ABLIM3: variants seen among roughly 807,000 people sequenced by gnomAD.
The protein encoded by ABLIM3 is actin-binding LIM protein 3.
A neutral mutation model predicts 109.5 loss-of-function variants in ABLIM3; 61 were observed. That is an observed-to-expected ratio of 0.56 (90% CI 0.45 to 0.69). ABLIM3 has a LOEUF of 0.69. Among genes scored for constraint, ABLIM3 ranks in the 30% least tolerant of loss-of-function variants. ABLIM3 has a pLI of 0.00. For synonymous variants in ABLIM3, 300 were observed against 324.8 expected (o/e 0.92, Z 0.82); for missense variants, 796 against 889.5 (o/e 0.89, Z 1.34).
chr5:149,252,977 C>G (rs1457231346), intron 23 of ABLIM3, 140 bp downstream of exon 23: 4 of 627,324 alleles, frequency 6.4e-6, no homozygotes, highest in Non-Finnish European at 1.1e-5. Flanking sequence ...GGACTTGAAC[C>G]AATTTCCTCA....
At chr5:149,195,030 C>T (rs774216195) in intron 3 of ABLIM3, among the ~76,000 whole-genome samples, 4 of 152,174 alleles carry the variant, frequency 2.6e-5, no homozygotes, top group Non-Finnish European at 2.9e-5. Flanking sequence ...CCTTCTAACT[C>T]TTGGATTTTG....
Position 149,259,718 on chromosome 5 carries a change from A to ATTTTTTTTT in ABLIM3, c.*1315_*1316insTTTTTTTTT. The ATTTTTTTTT allele has an allele frequency of 1.1e-6, 1 of 952,196 alleles. No individual in the cohort carries two copies. The highest frequency in any genetic ancestry group is 1.6e-6 in the Non-Finnish European group (1 of 629,284). 59.0% of individuals were successfully genotyped at this position (952,196 alleles called of 1,614,324 possible). On this transcript the variant is annotated 3_prime_UTR_variant, in exon 24 of 24. Transcript: ENST00000309868. ...CCAAACCTTTCACCTTGAATGGGTAATGTTTGGTGGGGGCTGTTCCTTCTT... is the reference window on the plus strand; with the variant it reads ...CCAAACCTTTCACCTTGAATGGGTAATTTTTTTTTTGTTTGGTGGGGGCTGTTCCTTCTT...
intron 2 of ABLIM3, among the ~76,000 whole-genome samples, chr5:149,153,786 T>C (rs902044147): frequency 3.3e-5 from 5 of 152,224 alleles, no homozygotes; most frequent in Non-Finnish European, 7.3e-5. Context: ...AGGTTTCACC[T>C]GGCTCCCTAA....
chr5:149,233,040 C>T (rs1381449249), intron 9 of ABLIM3, among the ~76,000 whole-genome samples, 189 bp from the exon 10 acceptor site: 1 of 152,150 alleles, frequency 6.6e-6, no homozygotes, highest in African/African-American at 2.4e-5. Flanking sequence ...AGCCTGAAGT[C>T]CTTGCATTTT....
intron 2 of ABLIM3, 116 bp from the exon 3 acceptor site, chr5:149,183,336 C>G (rs878930121): frequency 1.6e-6 from 2 of 1,225,800 alleles, no homozygotes; most frequent in South Asian, 3.5e-5. Flanking sequence ...AGATACTTTG[C>G]ACATCATTTC....
Position 149,222,881 on chromosome 5 carries a change from T to C in ABLIM3, c.757+5835T>C, listed in dbSNP as rs79145865. Reference sequence around the variant, plus strand: ...CCCTCTAAAAGGCACTACTGTAGTATTGGTTGCTATAATTTCGTAGTTTAG... The same window carrying C: ...CCCTCTAAAAGGCACTACTGTAGTACTGGTTGCTATAATTTCGTAGTTTAG... On this transcript the variant is annotated intron_variant, in intron 8 of 23. Coordinates refer to ENST00000309868, the MANE Select transcript of ABLIM3 (RefSeq NM_014945.5). Among the ~76,000 whole-genome samples, 199 of 152,240 alleles carry C rather than the reference T, an allele frequency of 1.3e-3. 1 individual carries two copies. The East Asian group carries it at 0.029, about 22-fold the overall frequency.
chr5:149,156,731 A>G (rs1753890041), intron 2 of ABLIM3, among the ~76,000 whole-genome samples: 1 of 152,234 alleles, frequency 6.6e-6, no homozygotes, highest in African/African-American at 2.4e-5. Flanking sequence ...TAAGCAGGGA[A>G]CATGTCACAT....
intron 21 of ABLIM3, 79 bp from the exon 22 acceptor site, chr5:149,252,122 G>C: frequency 6.5e-7 from 1 of 1,550,000 alleles, no homozygotes; most frequent in Non-Finnish European, 8.8e-7. Flanking sequence ...TGAGAGAGTA[G>C]GACAGAGGCC....
chr5:149,188,215 AG>A (rs1169856261), intron 3 of ABLIM3, among the ~76,000 whole-genome samples: 3 of 152,224 alleles, frequency 2.0e-5, no homozygotes, highest in Admixed American at 6.5e-5. Flanking sequence ...TTAAAAAGGA[AG>A]AAGTACAACT....
chr5:149,202,589 C>T (rs1230009632), intron 5 of ABLIM3, among the ~76,000 whole-genome samples: 6 of 152,116 alleles, frequency 3.9e-5, no homozygotes, highest in Non-Finnish European at 5.9e-5. Flanking sequence ...AGAAAAAGAA[C>T]ATATCATGGA....
At chr5:149,236,597 C>G (rs1752218027) in intron 10 of ABLIM3, among the ~76,000 whole-genome samples, 1 of 152,004 alleles carries the variant, frequency 6.6e-6, no homozygotes, top group African/African-American at 2.4e-5. Context: ...ATCCATGCAG[C>G]TCTAGAGGGA....
intron 3 of ABLIM3, among the ~76,000 whole-genome samples, chr5:149,193,304 T>C (rs1757666211): frequency 6.6e-6 from 1 of 151,912 alleles, no homozygotes; most frequent in Non-Finnish European, 1.5e-5. Context: ...AAATACAGAA[T>C]AAATATAGAA....
chr5:149,190,586 G>A (rs1486157723), intron 3 of ABLIM3, among the ~76,000 whole-genome samples: 4 of 152,078 alleles, frequency 2.6e-5, no homozygotes, highest in Admixed American at 1.3e-4. Context: ...AGGCTGAGGT[G>A]AGAGGATCAT....
At chr5:149,191,277 C>T (rs1316171509) in intron 3 of ABLIM3, among the ~76,000 whole-genome samples, 1 of 150,308 alleles carries the variant, frequency 6.7e-6, no homozygotes, top group Non-Finnish European at 1.5e-5. Flanking sequence ...AAATTAAAGA[C>T]ATAAAAAGAA....
At chr5:149,247,978 G>C (rs903208717) in intron 18 of ABLIM3, 49 bp downstream of exon 18, 6 of 1,586,002 alleles carry the variant, frequency 3.8e-6, no homozygotes, top group Admixed American at 3.5e-5. Flanking sequence ...CTTTCTCTGT[G>C]ACTAGCTGGC....
chr5:149,212,785 G>A lies in ABLIM3; in HGVS notation c.669+1966G>A, dbSNP rs542389951. On this transcript the variant is annotated intron_variant, in intron 7 of 23. Transcript: ENST00000309868. ...AAACATGGCGAGTACCATTTAGGATGAGTTGTGATTGAAATCCCAGGAGTG... is the reference window on the plus strand; with the variant it reads ...AAACATGGCGAGTACCATTTAGGATAAGTTGTGATTGAAATCCCAGGAGTG... Among the ~76,000 whole-genome samples the A allele has an allele frequency of 2.8e-4, 42 of 152,326 alleles. No homozygotes were observed. In the Middle Eastern group the frequency reaches 0.027, roughly 99 times the overall value.
intron 8 of ABLIM3, among the ~76,000 whole-genome samples, chr5:149,226,130 A>G (rs1308956262): frequency 6.6e-6 from 1 of 151,012 alleles, no homozygotes; most frequent in African/African-American, 2.4e-5. Flanking sequence ...GTCTATTGCC[A>G]CAAAGATAGT....
intron 7 of ABLIM3, 39 bp from the exon 8 acceptor site, chr5:149,216,920 C>T: frequency 6.3e-7 from 1 of 1,581,178 alleles, no homozygotes; most frequent in Non-Finnish European, 8.7e-7. Flanking sequence ...GACAGCAGCC[C>T]TGGCTCTGAC....
chr5:149,200,577 A>G, intron 5 of ABLIM3, 149 bp downstream of exon 5: 1 of 716,444 alleles, frequency 1.4e-6, no homozygotes, highest in South Asian at 1.8e-5. Flanking sequence ...CCCCATTGGC[A>G]TGTGGCCCAG....
Sources: allele counts gnomAD v4.1 joint callset (sites outside exome capture counted in the v4.1 genomes callset), GRCh38; gene constraint gnomAD v4.1.1; transcripts MANE v1.5; gene names NCBI Gene and HGNC (gene_info 2026-07-23, HGNC 2026-07-21).